The following LIMCH1 variants were observed in gnomAD, a reference collection of about 807,000 sequenced individuals.
LIMCH1 encodes LIM and calponin homology domains 1.
Under a neutral mutation model 176.5 loss-of-function variants are expected in LIMCH1, and 113 were observed. That is an observed-to-expected ratio of 0.64 (90% confidence interval 0.55 to 0.75). The LOEUF (loss-of-function observed/expected upper bound fraction) is 0.75. Among genes scored for constraint, LIMCH1 ranks in the 30% least tolerant of loss-of-function variants. LIMCH1 has a pLI of 0.00. For synonymous variants in LIMCH1, 619 were observed against 645.9 expected (o/e 0.96, Z 0.63); for missense variants, 1,674 against 1,814.9 (o/e 0.92, Z 1.41).
intron 19 of LIMCH1, 111 bp downstream of exon 19, chr4:41,661,621 T>A: frequency 1.3e-6 from 1 of 791,422 alleles, no homozygotes; most frequent in Non-Finnish European, 2.1e-6. Context: ...GTAATTAGAC[T>A]CCAGGAGTGG....
chr4:41,446,275 G>A (rs1389700016), intron 1 of LIMCH1, among the ~76,000 whole-genome samples: 1 of 152,106 alleles, frequency 6.6e-6, no homozygotes, highest in African/African-American at 2.4e-5. Flanking sequence ...CAATGCAGCA[G>A]GGTATAGGGG....
chr4:41,539,102 T>C (rs6447088), intron 1 of LIMCH1, among the ~76,000 whole-genome samples: 71,353 of 152,068 alleles, frequency 0.47, 20,519 homozygotes, highest in African/African-American at 0.81. Context: ...GGGTTGAAAA[T>C]CAGGTTGAAA....
At chr4:41,533,276 T>C (rs2077519663), upstream of LIMCH1, among the ~76,000 whole-genome samples, 1 of 152,208 alleles carries the variant, frequency 6.6e-6, no homozygotes, top group African/African-American at 2.4e-5. Context: ...ATTCTATTAA[T>C]TAAAAGCAAG....
At chr4:41,688,335 C>T (rs1454250893) in intron 29 of LIMCH1, among the ~76,000 whole-genome samples, 1 of 152,210 alleles carries the variant, frequency 6.6e-6, no homozygotes, top group Non-Finnish European at 1.5e-5. Flanking sequence ...CTAACCTACT[C>T]CAGCTCTCTA....
At chr4:41,360,352 C>T (rs1028607587), upstream of LIMCH1, among the ~76,000 whole-genome samples, 5 of 152,092 alleles carry the variant, frequency 3.3e-5, no homozygotes, top group Non-Finnish European at 5.9e-5. The surrounding 1 kb of genome is among the most constrained non-coding windows in gnomAD (Gnocchi z 4.5). Context: ...AGCGCCCGCT[C>T]CCCCGGGCCC....
intron 1 of LIMCH1, among the ~76,000 whole-genome samples, chr4:41,381,327 C>T (rs368382002): frequency 7.9e-5 from 12 of 152,182 alleles, no homozygotes; most frequent in African/African-American, 2.7e-4. Context: ...TGGTGAATAC[C>T]GGCTGTCTGT....
chr4:41,596,859 T>A (rs187335196), intron 1 of LIMCH1, among the ~76,000 whole-genome samples: 1 of 152,256 alleles, frequency 6.6e-6, no homozygotes, highest in Admixed American at 6.5e-5. Context: ...AACAATGGCA[T>A]CTCTTGCCTG....
intron 1 of LIMCH1, among the ~76,000 whole-genome samples, chr4:41,365,728 A>T (rs1378060704): frequency 6.6e-6 from 1 of 152,246 alleles, no homozygotes; most frequent in Non-Finnish European, 1.5e-5. Context: ...TGACATTTAA[A>T]TAGTCTAGCT....
At chr4:41,378,131 G>A (rs2154101256) in intron 1 of LIMCH1, among the ~76,000 whole-genome samples, 1 of 152,332 alleles carries the variant, frequency 6.6e-6, no homozygotes, top group South Asian at 2.1e-4. Flanking sequence ...AGGCATGGAG[G>A]TGTGTGGTAG....
At chr4:41,542,961 A>G (rs947284443) in intron 1 of LIMCH1, among the ~76,000 whole-genome samples, 1 of 152,228 alleles carries the variant, frequency 6.6e-6, no homozygotes, top group Non-Finnish European at 1.5e-5. Flanking sequence ...ATCTTATATA[A>G]TGGCCAAAGG....
chr4:41,485,887 G>A (rs554005076), intron 1 of LIMCH1, among the ~76,000 whole-genome samples: 12 of 152,296 alleles, frequency 7.9e-5, no homozygotes, highest in African/African-American at 2.9e-4. Flanking sequence ...GGTGTAAGAT[G>A]ACAGTGGCTT....
chr4:41,372,667 G>A (rs377550178), intron 1 of LIMCH1, among the ~76,000 whole-genome samples: 19 of 152,316 alleles, frequency 1.2e-4, no homozygotes, highest in African/African-American at 4.3e-4. Context: ...ATTTCCAGGA[G>A]AAGCTTCTGT....
At chr4:41,563,677 C>A (rs951760851) in intron 1 of LIMCH1, among the ~76,000 whole-genome samples, 3 of 152,162 alleles carry the variant, frequency 2.0e-5, no homozygotes, top group African/African-American at 7.2e-5. Context: ...CTCTACCCAT[C>A]CTGCAAAAAA....
At chr4:41,500,223 G>C (rs186906612) in intron 2 of LIMCH1, among the ~76,000 whole-genome samples, 2 of 152,206 alleles carry the variant, frequency 1.3e-5, no homozygotes, top group African/African-American at 2.4e-5. Flanking sequence ...GATATCCCCA[G>C]ATCTTTCATC....
At chr4:41,524,256 T>A (rs2076401952) in intron 2 of LIMCH1, among the ~76,000 whole-genome samples, 1 of 152,374 alleles carries the variant, frequency 6.6e-6, no homozygotes, top group Middle Eastern at 3.4e-3. Context: ...TTCACTTATA[T>A]GCATGAAGGC....
chr4:41,676,487 T>A (rs977990482), intron 23 of LIMCH1, 25 bp downstream of exon 23: 1 of 1,576,176 alleles, frequency 6.3e-7, no homozygotes, highest in African/African-American at 1.3e-5. Context: ...GCTGCTTTTT[T>A]TGTTTTTCCT....
chr4:41,680,188 T>C (rs1714571673), intron 24 of LIMCH1, 90 bp downstream of exon 24: 1 of 850,696 alleles, frequency 1.2e-6, no homozygotes, highest in African/African-American at 1.7e-5. Flanking sequence ...TGCGGATGCA[T>C]GTGGCTGTGT....
intron 1 of LIMCH1, among the ~76,000 whole-genome samples, chr4:41,419,123 GTTTTATTTTA>G (rs148393298): frequency 0.072 from 10,581 of 146,852 alleles, 498 homozygotes; most frequent in African/African-American, 0.14. Context: ...ACTACGTTTT[GTTTTATTTTA>G]TTTTATTTTA....
At chr4:41,629,835 T>C (rs1240595543) in intron 9 of LIMCH1, 101 bp downstream of exon 9, 5 of 1,327,510 alleles carry the variant, frequency 3.8e-6, no homozygotes, top group African/African-American at 1.5e-5. Flanking sequence ...TTTGTCAGGG[T>C]CTTGCTCTGT....
Sources: gnomAD v4.1 joint callset for allele counts (sites outside exome capture counted in the v4.1 genomes callset) on GRCh38, gnomAD v4.1.1 for gene constraint, Gnocchi (gnomAD v3.1) non-coding constraint, MANE v1.5 for transcripts, NCBI Gene and HGNC (gene_info 2026-07-23, HGNC 2026-07-21) for gene names.